Variants in FOXP1 observed in about 807,000 individuals in gnomAD.
FOXP1 encodes the protein forkhead box protein P1.
FOXP1 carries 15 observed loss-of-function variants against 98.2 expected under a neutral mutation model. The ratio of observed to expected loss-of-function variants is 0.15; its 90% CI spans 0.10 to 0.24. FOXP1 has a LOEUF of 0.24. Ranked by LOEUF, FOXP1 falls within the 10% of genes least tolerant of loss-of-function variation. The probability of loss-of-function intolerance (pLI) is 1.00; values close to 1 mark genes in which losing one functional copy is unlikely to be tolerated. For missense variants in FOXP1, 633 were observed against 848.5 expected, an observed-to-expected ratio of 0.75 and a Z score of 3.15; for synonymous variants, 371 against 314.5, an observed-to-expected ratio of 1.18 and a Z score of -1.90.
Position 70,956,506 on chromosome 3 carries a change from T to TAATC in FOXP1, c.*2737_*2740dup, listed in dbSNP as rs1258117181. On this transcript the variant is annotated 3_prime_UTR_variant, in exon 21 of 21. Coordinates refer to ENST00000649528, the MANE Select transcript of FOXP1 (RefSeq NM_001349338.3). ...AGTGAAATGTTTTTTTTTTAAATTT[T>TAATC]AATCATTCCCTAAAGGTTTGAACTG... 1 of 231,126 alleles carries TAATC rather than the reference T, an allele frequency of 4.3e-6. No homozygotes were observed. Among genetic ancestry groups the TAATC allele is most frequent in the African/African-American group, 2.2e-5 (1 of 45,244 alleles). 14.3% of individuals were successfully genotyped at this position (231,126 alleles called of 1,614,324 possible). A position where few individuals can be genotyped will look rare whatever the true frequency, so the allele number is the denominator to read the frequency against.
At chr3:71,479,679 C>CA (rs71120335) in intron 3 of FOXP1, among the ~76,000 whole-genome samples, 9,975 of 56,278 alleles carry the variant, frequency 0.18, 514 homozygotes, top group African/African-American at 0.29. Context: ...AACATCATCT[C>CA]AAAAAAAAAA....
At chr3:71,452,818 C>T (rs940647995) in intron 3 of FOXP1, among the ~76,000 whole-genome samples, 3 of 152,176 alleles carry the variant, frequency 2.0e-5, no homozygotes, top group Non-Finnish European at 2.9e-5. Flanking sequence ...CCTTCCTTCC[C>T]CTTTCACTCA....
At chr3:71,094,243 A>C (rs1220830081) in intron 7 of FOXP1, among the ~76,000 whole-genome samples, 3 of 151,636 alleles carry the variant, frequency 2.0e-5, no homozygotes, top group Non-Finnish European at 4.4e-5. Context: ...GGACACTGAA[A>C]TCTGAATTTC....
At chr3:71,342,317 G>A (rs908841044) in intron 4 of FOXP1, among the ~76,000 whole-genome samples, 9 of 152,316 alleles carry the variant, frequency 5.9e-5, no homozygotes, top group African/African-American at 2.2e-4. Flanking sequence ...GTGGAACAGA[G>A]ACCATATTAT....
chr3:71,361,944 A>T (rs886824971), intron 3 of FOXP1, among the ~76,000 whole-genome samples: 3 of 152,222 alleles, frequency 2.0e-5, no homozygotes, highest in African/African-American at 7.2e-5. Flanking sequence ...ACCTCGTCCA[A>T]GCAATTTGTT....
rs1243532751 is a variant in FOXP1, at chr3:70,956,789, C to A, written c.*2458G>T. ...TTTTTTTTTTAAAGTCTTGCGTGACCACAGACTGCCCTTTATACAGAAAGC... is the reference window on the plus strand; with the variant it reads ...TTTTTTTTTTAAAGTCTTGCGTGACAACAGACTGCCCTTTATACAGAAAGC... On this transcript the variant is annotated 3_prime_UTR_variant, in exon 21 of 21. Transcript: ENST00000649528. 1.4e-5 allele frequency: 2 copies of A among 146,402 alleles called. No individual in the cohort carries two copies. The highest frequency in any genetic ancestry group is 2.5e-5 in the Non-Finnish European group (2 of 79,334). 9.1% of individuals were successfully genotyped at this position (146,402 alleles called of 1,614,324 possible).
At chr3:71,236,096 C>T (rs2066749932) in intron 5 of FOXP1, among the ~76,000 whole-genome samples, 1 of 152,206 alleles carries the variant, frequency 6.6e-6, no homozygotes, top group African/African-American at 2.4e-5. Flanking sequence ...CCCATTCTCT[C>T]CTCTCTGCTG....
intron 7 of FOXP1, among the ~76,000 whole-genome samples, chr3:71,074,957 G>C (rs192453156): frequency 6.6e-6 from 1 of 152,326 alleles, no homozygotes; most frequent in Admixed American, 6.5e-5. Context: ...GACAGACACC[G>C]ATGATCTTCT....
At position 71,272,350 on chromosome 3, in the gene FOXP1, G is replaced by A. The variant is rs148282502; in HGVS notation, c.-12+27470C>T. Among the ~76,000 whole-genome samples, 8 of 152,274 alleles carry A rather than the reference G, an allele frequency of 5.3e-5. No individual in the cohort carries two copies. The East Asian group carries it at 7.7e-4, about 15-fold the overall frequency. ...TCGGCATCCCGGGTGGGTCAACTTCGATGTCCTCCTGAGGCTCCGTGTAGA... is the reference window on the plus strand; with the variant it reads ...TCGGCATCCCGGGTGGGTCAACTTCAATGTCCTCCTGAGGCTCCGTGTAGA... On this transcript the variant is annotated intron_variant, in intron 5 of 20. Coordinates refer to ENST00000649528, the MANE Select transcript of FOXP1 (RefSeq NM_001349338.3).
chr3:71,437,710 G>A (rs983761743), intron 3 of FOXP1, among the ~76,000 whole-genome samples: 4 of 152,138 alleles, frequency 2.6e-5, no homozygotes, highest in African/African-American at 7.2e-5. Flanking sequence ...ATGAACTTCC[G>A]AGTCTGTGAT....
chr3:71,503,787 A>G (rs2041602144), intron 2 of FOXP1, among the ~76,000 whole-genome samples: 1 of 152,138 alleles, frequency 6.6e-6, no homozygotes, highest in African/African-American at 2.4e-5. Flanking sequence ...TACAGAACAT[A>G]CAGGCATCAG....
chr3:71,559,116 C>T (rs2046360896), intron 2 of FOXP1, among the ~76,000 whole-genome samples: 1 of 152,218 alleles, frequency 6.6e-6, no homozygotes, highest in Non-Finnish European at 1.5e-5. Context: ...CAGCTTCTCT[C>T]TTCCTCTGGC....
intron 2 of FOXP1, among the ~76,000 whole-genome samples, chr3:71,547,801 T>A (rs1034153844): frequency 6.6e-6 from 1 of 152,232 alleles, no homozygotes; most frequent in Non-Finnish European, 1.5e-5. Flanking sequence ...CTGTGACTAT[T>A]CAATCCTTTG....
chr3:71,408,221 G>C lies in FOXP1; in HGVS notation c.-167-48977C>G, dbSNP rs536996240. On this transcript the variant is annotated intron_variant, in intron 3 of 20. Coordinates refer to ENST00000649528, the MANE Select transcript of FOXP1 (RefSeq NM_001349338.3). The stretch of plus-strand genomic sequence containing the variant: ...GGAAATTTTTGCATAGGGCTGCCAA[G>C]CATAAAGGAAATATTTCAGAGACCA... 4.1e-4 allele frequency among the ~76,000 whole-genome samples: 62 copies of C among 152,260 alleles called. No individual in the cohort carries two copies. The South Asian group carries it at 0.012, about 29-fold the overall frequency.
chr3:71,436,142 A>G (rs577062357), intron 3 of FOXP1, among the ~76,000 whole-genome samples: 2 of 151,874 alleles, frequency 1.3e-5, no homozygotes, highest in Non-Finnish European at 2.9e-5. Flanking sequence ...TTCCTATTAC[A>G]TATTTCCCAA....
intron 2 of FOXP1, among the ~76,000 whole-genome samples, chr3:71,536,861 T>C (rs2044337908): frequency 6.6e-6 from 1 of 152,156 alleles, no homozygotes; most frequent in African/African-American, 2.4e-5. Flanking sequence ...AGACACCCTC[T>C]ATATAGTGTC....
chr3:71,283,287 G>A (rs956153516), intron 5 of FOXP1, among the ~76,000 whole-genome samples: 4 of 152,034 alleles, frequency 2.6e-5, no homozygotes, highest in African/African-American at 9.7e-5. Context: ...AGTGTACTCC[G>A]GAGCCCCACC....
intron 14 of FOXP1, among the ~76,000 whole-genome samples, chr3:70,987,028 T>A (rs1242770994): frequency 6.6e-6 from 1 of 152,240 alleles, no homozygotes; most frequent in Non-Finnish European, 1.5e-5. Flanking sequence ...TTACGCTGCA[T>A]CATTGCATAT....
At chr3:71,557,418 G>A (rs2046222673) in intron 2 of FOXP1, among the ~76,000 whole-genome samples, 1 of 150,428 alleles carries the variant, frequency 6.6e-6, no homozygotes, top group South Asian at 2.1e-4. Flanking sequence ...GTGTACCCCA[G>A]CTATGGCACA....
Sources: gnomAD v4.1 joint callset for allele counts (sites outside exome capture counted in the v4.1 genomes callset) on GRCh38, gnomAD v4.1.1 for gene constraint, MANE v1.5 for transcripts, NCBI Gene and HGNC (gene_info 2026-07-23, HGNC 2026-07-21) for gene names.